Variants in KAZN observed in about 807,000 individuals in gnomAD.
The protein encoded by KAZN is kazrin, periplakin interacting protein, also known as kazrin.
Under a neutral mutation model 87.4 loss-of-function variants are expected in KAZN, and 40 were observed. The observed-to-expected ratio is 0.46, with a 90% confidence interval of 0.36 to 0.60. The LOEUF (loss-of-function observed/expected upper bound fraction) is 0.60, where lower values mean the gene tolerates loss of function less well. Ranked by LOEUF, KAZN falls within the 20% of genes least tolerant of loss-of-function variation. The pLI, the probability that KAZN is intolerant of heterozygous loss-of-function variation, is 0.00. For missense variants in KAZN, 898 were observed against 1,073.9 expected, an observed-to-expected ratio of 0.84 and a Z score of 2.29; for synonymous variants, 466 against 458.3, an observed-to-expected ratio of 1.02 and a Z score of -0.22.
At chr1:14,388,050 G>A (rs1482865368) in intron 2 of KAZN, among the ~76,000 whole-genome samples, 2 of 152,352 alleles carry the variant, frequency 1.3e-5, no homozygotes, top group Middle Eastern at 3.4e-3. Context: ...GAAAAGCGCA[G>A]TATTCGGGTG....
intron 2 of KAZN, among the ~76,000 whole-genome samples, chr1:14,463,810 A>C (rs956088362): frequency 6.6e-6 from 1 of 152,190 alleles, no homozygotes; most frequent in Non-Finnish European, 1.5e-5. Context: ...AAGCAGAAAT[A>C]AAACAGAAAA....
At chr1:14,114,066 C>A (rs573301722) in intron 1 of KAZN, among the ~76,000 whole-genome samples, 51 of 152,336 alleles carry the variant, frequency 3.3e-4, no homozygotes, top group African/African-American at 1.1e-3. Flanking sequence ...CCTCCAAGGC[C>A]TTGCAGTGCA....
At chr1:14,515,955 G>GCCTTCTTTACT (rs890376928) in intron 2 of KAZN, among the ~76,000 whole-genome samples, 1 of 152,072 alleles carries the variant, frequency 6.6e-6, no homozygotes, top group Admixed American at 6.6e-5. Context: ...AATCCTGTGT[G>GCCTTCTTTACT]CCTTCTTTAC....
intron 1 of KAZN, among the ~76,000 whole-genome samples, chr1:14,722,460 G>T (rs762124075): frequency 2.6e-5 from 4 of 152,108 alleles, no homozygotes; most frequent in African/African-American, 7.2e-5. Context: ...CAGGGTCAAG[G>T]TTTGTTTGTT....
At chr1:14,699,878 GTCAGCTC>G (rs1358567770) in intron 1 of KAZN, among the ~76,000 whole-genome samples, 2 of 152,192 alleles carry the variant, frequency 1.3e-5, no homozygotes, top group Non-Finnish European at 2.9e-5. Flanking sequence ...GATGTGCACA[GTCAGCTC>G]TCATGAGCTG....
chr1:15,104,437 G>A (rs523125), intron 13 of KAZN, among the ~76,000 whole-genome samples: 98,126 of 152,056 alleles, frequency 0.65, 31,736 homozygotes, highest in East Asian at 0.82. Flanking sequence ...GTGTATATTA[G>A]ATCAAAAAAC....
At chr1:14,351,406 C>T (rs1363171347) in intron 2 of KAZN, among the ~76,000 whole-genome samples, 1 of 152,050 alleles carries the variant, frequency 6.6e-6, no homozygotes, top group Non-Finnish European at 1.5e-5. Flanking sequence ...TCTACTAAAA[C>T]AAAATACAAA....
chr1:14,955,279 A>G (rs1380663666), intron 1 of KAZN, among the ~76,000 whole-genome samples: 1 of 152,268 alleles, frequency 6.6e-6, no homozygotes, highest in African/African-American at 2.4e-5. Flanking sequence ...TGCCAGGCAC[A>G]TGTAAGCGCT....
chr1:14,415,070 A>G (rs1160583575), intron 2 of KAZN, among the ~76,000 whole-genome samples: 1 of 152,210 alleles, frequency 6.6e-6, no homozygotes, highest in Non-Finnish European at 1.5e-5. Context: ...AAAGGAACAC[A>G]GAGGGAGCTT....
chr1:14,481,922 G>A (rs1458176813), intron 2 of KAZN, among the ~76,000 whole-genome samples: 1 of 152,202 alleles, frequency 6.6e-6, no homozygotes, highest in Non-Finnish European at 1.5e-5. Flanking sequence ...AGTGGTACAA[G>A]AGCAAACGGC....
At chr1:14,937,409 A>G (rs1452730617) in intron 1 of KAZN, among the ~76,000 whole-genome samples, 2 of 152,148 alleles carry the variant, frequency 1.3e-5, no homozygotes, top group Non-Finnish European at 2.9e-5. Context: ...CTCCATCTTC[A>G]AGGACTAGCA....
At chr1:13,994,318 G>A (rs1244711583) in intron 1 of KAZN, among the ~76,000 whole-genome samples, 1 of 152,188 alleles carries the variant, frequency 6.6e-6, no homozygotes, top group Non-Finnish European at 1.5e-5. Flanking sequence ...ACTCAGCAGA[G>A]CCAATGGGAC....
intron 2 of KAZN, among the ~76,000 whole-genome samples, chr1:14,288,000 G>A (rs986897535): frequency 1.6e-4 from 25 of 152,262 alleles, no homozygotes; most frequent in South Asian, 1.5e-3. Context: ...TGCATATGTC[G>A]AACCAGCCTT....
At chr1:14,240,921 C>T (rs536484949) in intron 2 of KAZN, among the ~76,000 whole-genome samples, 5 of 152,334 alleles carry the variant, frequency 3.3e-5, no homozygotes, top group Non-Finnish European at 7.3e-5. Context: ...CCCACCCCAC[C>T]GAACTGGGGT....
chr1:14,014,001 G>A (rs1640446107), intron 1 of KAZN, among the ~76,000 whole-genome samples: 1 of 152,180 alleles, frequency 6.6e-6, no homozygotes, highest in African/African-American at 2.4e-5. Context: ...TCCTCAGGAG[G>A]AACGGGTGTT....
chr1:14,784,298 C>G (rs1645439689), intron 1 of KAZN, among the ~76,000 whole-genome samples: 1 of 152,214 alleles, frequency 6.6e-6, no homozygotes, highest in South Asian at 2.1e-4. Flanking sequence ...AAAATACCTT[C>G]CTGGCAACGC....
intron 2 of KAZN, among the ~76,000 whole-genome samples, chr1:14,375,835 C>T (rs550491297): frequency 3.3e-5 from 5 of 152,090 alleles, no homozygotes; most frequent in African/African-American, 9.6e-5. Context: ...TTGCAGTGAG[C>T]GGAGATCACG....
intron 1 of KAZN, among the ~76,000 whole-genome samples, chr1:14,101,075 A>G (rs530346899): frequency 2.6e-5 from 4 of 152,174 alleles, no homozygotes; most frequent in African/African-American, 9.6e-5. Flanking sequence ...TCATTCGTAA[A>G]TTACCCGGTC....
intron 13 of KAZN, among the ~76,000 whole-genome samples, chr1:15,104,845 C>T (rs1216951227): frequency 6.6e-6 from 1 of 152,194 alleles, no homozygotes; most frequent in Non-Finnish European, 1.5e-5. Flanking sequence ...CACTATCCCT[C>T]CTTTATAGAT....
Sources: allele counts gnomAD v4.1 joint callset (sites outside exome capture counted in the v4.1 genomes callset), GRCh38; gene constraint gnomAD v4.1.1; transcripts MANE v1.5; gene names NCBI Gene and HGNC (gene_info 2026-07-23, HGNC 2026-07-21).